LNX1: variants seen among roughly 807,000 people sequenced by gnomAD.
The protein encoded by LNX1 is ligand of numb-protein X 1.
LNX1 carries 54 observed loss-of-function variants against 68.4 expected under a neutral mutation model. The ratio of observed to expected loss-of-function variants is 0.79; its 90% CI spans 0.63 to 0.99. LNX1 has a LOEUF of 0.99. Among genes scored for constraint, LNX1 ranks in the 50% least tolerant of loss-of-function variants. The probability of loss-of-function intolerance (pLI) is 0.00; values close to 1 mark genes in which losing one functional copy is unlikely to be tolerated. For synonymous variants in LNX1, 336 were observed against 350.0 expected (o/e 0.96, Z 0.45); for missense variants, 906 against 926.4 (o/e 0.98, Z 0.29).
intron 9 of LNX1, among the ~76,000 whole-genome samples, chr4:53,474,915 T>A (rs1474248887): frequency 6.6e-6 from 1 of 152,166 alleles, no homozygotes; most frequent in Non-Finnish European, 1.5e-5. Flanking sequence ...TACAGGCGTG[T>A]GCCACCACGC....
intron 2 of LNX1, among the ~76,000 whole-genome samples, chr4:53,548,449 C>A (rs997632009): frequency 2.0e-5 from 3 of 152,226 alleles, no homozygotes; most frequent in South Asian, 2.1e-4. Flanking sequence ...ATACATAAGA[C>A]AAGCAATGGA....
intron 2 of LNX1, among the ~76,000 whole-genome samples, chr4:53,540,487 C>T (rs1480313294): frequency 6.6e-6 from 1 of 152,048 alleles, no homozygotes; most frequent in Non-Finnish European, 1.5e-5. Context: ...GTGTTATTAG[C>T]CTGGCTGACA....
intron 9 of LNX1, among the ~76,000 whole-genome samples, chr4:53,470,626 A>G (rs890736807): frequency 8.5e-5 from 13 of 152,232 alleles, no homozygotes; most frequent in African/African-American, 3.1e-4. Flanking sequence ...TAAGCTGATA[A>G]GCAACTTCAG....
intron 9 of LNX1, among the ~76,000 whole-genome samples, chr4:53,468,698 T>G (rs1419459724): frequency 6.6e-6 from 1 of 152,138 alleles, no homozygotes; most frequent in Non-Finnish European, 1.5e-5. Context: ...TCCTAGTCTC[T>G]GATAAAACAG....
At chr4:53,531,418 C>T (rs368458600) in intron 2 of LNX1, among the ~76,000 whole-genome samples, 1 of 152,222 alleles carries the variant, frequency 6.6e-6, no homozygotes, top group African/African-American at 2.4e-5. Context: ...TGGACAATCT[C>T]TAAGACCCCT....
At chr4:53,643,303 A>G (rs1734758904) in intron 1 of LNX1, among the ~76,000 whole-genome samples, 1 of 152,006 alleles carries the variant, frequency 6.6e-6, no homozygotes, top group African/African-American at 2.4e-5. Flanking sequence ...GACGCATGCC[A>G]CCATGCCAGC....
At position 53,461,426 on chromosome 4, in the gene LNX1, T is replaced by A. The variant is rs1353695608; in HGVS notation, c.2051+9A>T. On this transcript the variant is annotated intron_variant, in intron 10 of 10. Transcript: ENST00000263925. ...AATACAAGTATTTTTGATTAGTCAT[T>A]ATTATTACCTAATTCTTCCATCATT... 6.9e-6 allele frequency: 11 copies of A among 1,594,098 alleles called. No homozygotes were observed. Among genetic ancestry groups the A allele is most frequent in the Non-Finnish European group, 9.4e-6 (11 of 1,167,814 alleles).
intron 2 of LNX1, among the ~76,000 whole-genome samples, chr4:53,612,007 A>G (rs1160046611): frequency 6.6e-6 from 1 of 152,204 alleles, no homozygotes; most frequent in Non-Finnish European, 1.5e-5. Flanking sequence ...CATTTTTATA[A>G]TATGCAAAGA....
chr4:53,512,053 C>G (rs62323602), intron 2 of LNX1, among the ~76,000 whole-genome samples: 18,238 of 152,098 alleles, frequency 0.12, 1,187 homozygotes, highest in East Asian at 0.17. Flanking sequence ...CATTAATTGT[C>G]CAGTCTGATC....
chr4:53,650,727 C>A (rs1404109152), intron 1 of LNX1, among the ~76,000 whole-genome samples: 2 of 152,108 alleles, frequency 1.3e-5, no homozygotes, highest in African/African-American at 4.8e-5. Flanking sequence ...CCAAGAACCT[C>A]AACCCTAACT....
At chr4:53,532,134 G>A (rs1728063387) in intron 2 of LNX1, among the ~76,000 whole-genome samples, 1 of 152,176 alleles carries the variant, frequency 6.6e-6, no homozygotes, top group Admixed American at 6.5e-5. Context: ...GAAAGGGATG[G>A]ACCAAGGACA....
At chr4:53,553,310 C>T (rs1207882604) in intron 2 of LNX1, among the ~76,000 whole-genome samples, 4 of 152,036 alleles carry the variant, frequency 2.6e-5, no homozygotes, top group Admixed American at 6.6e-5. Context: ...GGGAGTTTGT[C>T]AAGAATGAAA....
At chr4:53,482,471 G>T (rs954612722) in intron 6 of LNX1, among the ~76,000 whole-genome samples, 1 of 152,108 alleles carries the variant, frequency 6.6e-6, no homozygotes, top group African/African-American at 2.4e-5. Flanking sequence ...CCCATCAACT[G>T]ATAGGTAGAT....
At chr4:53,568,583 G>GCACAAGACAGGGGGA (rs1479886089) in intron 2 of LNX1, among the ~76,000 whole-genome samples, 1 of 151,276 alleles carries the variant, frequency 6.6e-6, no homozygotes, top group Non-Finnish European at 1.5e-5. Flanking sequence ...TTGAAAACGG[G>GCACAAGACAGGGGGA]CACAAGACAG....
chr4:53,626,288 G>T (rs1577808601), intron 1 of LNX1, among the ~76,000 whole-genome samples: 1 of 152,068 alleles, frequency 6.6e-6, no homozygotes, highest in Non-Finnish European at 1.5e-5. Flanking sequence ...TCTTTTTGGG[G>T]TCATAAAAAT....
At chr4:53,631,861 C>G (rs759528160) in intron 1 of LNX1, among the ~76,000 whole-genome samples, 9 of 145,750 alleles carry the variant, frequency 6.2e-5, no homozygotes, top group Non-Finnish European at 1.2e-4. Context: ...GAGCCTGAGC[C>G]TTTTTTTTTT....
chr4:53,575,221 A>G (rs1731409974), intron 1 of LNX1, among the ~76,000 whole-genome samples: 1 of 152,134 alleles, frequency 6.6e-6, no homozygotes, highest in South Asian at 2.1e-4. Flanking sequence ...GCCTCAAGAG[A>G]TCCACCTGCT....
chr4:53,497,449 C>T (rs1309973470), intron 5 of LNX1, among the ~76,000 whole-genome samples: 1 of 152,224 alleles, frequency 6.6e-6, no homozygotes, highest in Non-Finnish European at 1.5e-5. Flanking sequence ...TTCTCTGGTG[C>T]AGCTCCAGAG....
At chr4:53,637,219 G>A (rs1451253522) in intron 1 of LNX1, among the ~76,000 whole-genome samples, 2 of 151,794 alleles carry the variant, frequency 1.3e-5, no homozygotes, top group Admixed American at 6.6e-5. Context: ...GTCAAGAAAG[G>A]ACTGCCTTGG....
Sources: allele counts gnomAD v4.1 joint callset (sites outside exome capture counted in the v4.1 genomes callset), GRCh38; gene constraint gnomAD v4.1.1; transcripts MANE v1.5; gene names NCBI Gene and HGNC (gene_info 2026-07-23, HGNC 2026-07-21).